TCF7L2: variants seen among roughly 807,000 people sequenced by gnomAD.
The protein encoded by TCF7L2 is transcription factor 7-like 2.
Under a neutral mutation model 77.9 loss-of-function variants are expected in TCF7L2, and 23 were observed. That is an observed-to-expected ratio of 0.30 (90% CI 0.21 to 0.42). The LOEUF is 0.42. Ranked by LOEUF, TCF7L2 falls within the 10% of genes least tolerant of loss-of-function variation. The pLI, the probability that TCF7L2 is intolerant of heterozygous loss-of-function variation, is 1.00. For synonymous variants in TCF7L2, 413 were observed against 340.2 expected (o/e 1.21, Z -2.36); for missense variants, 654 against 793.1 (o/e 0.82, Z 2.11).
intron 5 of TCF7L2, among the ~76,000 whole-genome samples, chr10:113,109,798 C>T (rs1049823027): frequency 1.3e-5 from 2 of 152,240 alleles, no homozygotes; most frequent in African/African-American, 4.8e-5. Flanking sequence ...CTTTTATAAT[C>T]AACAGGCTTA....
intron 5 of TCF7L2, among the ~76,000 whole-genome samples, chr10:113,083,762 C>G (rs930397710): frequency 6.6e-6 from 1 of 152,132 alleles, no homozygotes; most frequent in African/African-American, 2.4e-5. Context: ...ATTGTCAGTT[C>G]AGTACTTTGC....
chr10:112,992,181 C>T lies in TCF7L2; in HGVS notation c.450+27557C>T, dbSNP rs115582312. On this transcript the variant is annotated intron_variant, in intron 4 of 13. Transcript: ENST00000627217. ...CCTGAGGAGGGGTGGGGGGCAGAGG[C>T]GTGAGTGGTCTAGGGCCTCAGTCCC... Among the ~76,000 whole-genome samples the T allele has an allele frequency of 4.7e-3, 717 of 152,238 alleles. 8 individuals are homozygous for T. The highest frequency in any genetic ancestry group is 0.016 in the African/African-American group (682 of 41,562).
At chr10:113,089,338 C>T in intron 5 of TCF7L2, 7 of 1,559,794 alleles carry the variant, frequency 4.5e-6, no homozygotes, top group South Asian at 2.5e-5. Context: ...CTGTGTGTGC[C>T]TTGGTGACGT....
At chr10:113,116,324 A>G (rs2063732559) in intron 5 of TCF7L2, among the ~76,000 whole-genome samples, 2 of 152,228 alleles carry the variant, frequency 1.3e-5, no homozygotes, top group Non-Finnish European at 2.9e-5. Flanking sequence ...TCCTAAAAGC[A>G]CAATAGGACT....
intron 5 of TCF7L2, among the ~76,000 whole-genome samples, chr10:113,049,613 A>C (rs534579808): frequency 6.6e-6 from 1 of 152,156 alleles, no homozygotes; most frequent in African/African-American, 2.4e-5. Context: ...CCTATCATCT[A>C]TCTCTGGTCT....
At chr10:113,084,525 T>G (rs147725674) in intron 5 of TCF7L2, among the ~76,000 whole-genome samples, 1 of 152,142 alleles carries the variant, frequency 6.6e-6, no homozygotes, top group Non-Finnish European at 1.5e-5. Flanking sequence ...GTTAAACTTA[T>G]CTAAAAATAT....
intron 5 of TCF7L2, among the ~76,000 whole-genome samples, chr10:113,053,175 C>T (rs1431717801): frequency 3.3e-5 from 5 of 152,006 alleles, no homozygotes; most frequent in Admixed American, 2.0e-4. Flanking sequence ...CGTGTTTGGA[C>T]GTCTGTGTGG....
At chr10:112,962,799 A>G (rs1479887039) in intron 3 of TCF7L2, among the ~76,000 whole-genome samples, 1 of 152,100 alleles carries the variant, frequency 6.6e-6, no homozygotes, top group Non-Finnish European at 1.5e-5. Context: ...GGGTTTCACC[A>G]TGTTGGCCAG....
intron 5 of TCF7L2, among the ~76,000 whole-genome samples, chr10:113,137,554 T>A (rs1467358340): frequency 6.6e-6 from 1 of 152,194 alleles, no homozygotes; most frequent in Non-Finnish European, 1.5e-5. Flanking sequence ...AATCACTGTG[T>A]GCAATGCCAG....
At chr10:112,966,204 ATATAT>A (rs1215918588) in intron 4 of TCF7L2, among the ~76,000 whole-genome samples, 1 of 139,710 alleles carries the variant, frequency 7.2e-6, no homozygotes, top group Non-Finnish European at 1.5e-5. Context: ...ATATATATAT[ATATAT>A]ATTTTCTTTT....
intron 5 of TCF7L2, among the ~76,000 whole-genome samples, chr10:113,099,735 G>A (rs1445618225): frequency 2.6e-5 from 4 of 152,148 alleles, no homozygotes; most frequent in African/African-American, 2.4e-5. Context: ...AACAGCCATC[G>A]CACACATGTA....
intron 4 of TCF7L2, among the ~76,000 whole-genome samples, chr10:113,011,378 T>C (rs2046419018): frequency 6.6e-6 from 1 of 152,182 alleles, no homozygotes; most frequent in Non-Finnish European, 1.5e-5. Context: ...TGTGTGGTAT[T>C]CTGTCCTCAG....
chr10:112,966,184 T>TTATATATATATATATAGATATATATA (rs2036792176), intron 4 of TCF7L2, among the ~76,000 whole-genome samples: 1 of 114,280 alleles, frequency 8.8e-6, no homozygotes. Flanking sequence ...TAAAATATAT[T>TTATATATATATATATAGATATATATA]TATATATATA....
At chr10:113,077,063 C>T (rs1235890394) in intron 5 of TCF7L2, among the ~76,000 whole-genome samples, 1 of 152,182 alleles carries the variant, frequency 6.6e-6, no homozygotes, top group Non-Finnish European at 1.5e-5. Context: ...TCATCCCTTC[C>T]TGATTTGGGG....
chr10:113,031,017 T>C (rs997291120), intron 4 of TCF7L2, among the ~76,000 whole-genome samples: 3 of 152,190 alleles, frequency 2.0e-5, no homozygotes, highest in African/African-American at 7.2e-5. Flanking sequence ...GAGATTTCTC[T>C]TCCTGCCTGG....
At chr10:113,110,927 G>A (rs558702394) in intron 5 of TCF7L2, among the ~76,000 whole-genome samples, 47 of 152,236 alleles carry the variant, frequency 3.1e-4, no homozygotes, top group Admixed American at 7.8e-4. Flanking sequence ...GAAAAAAGGG[G>A]ATCTGACTGT....
intron 3 of TCF7L2, among the ~76,000 whole-genome samples, chr10:112,956,344 CTTTTT>C (rs10711698): frequency 3.6e-5 from 4 of 112,244 alleles, no homozygotes; most frequent in Admixed American, 9.5e-5. Context: ...AGTGATTTAC[CTTTTT>C]TTTTTTTTTT....
intron 5 of TCF7L2, among the ~76,000 whole-genome samples, chr10:113,136,131 C>T (rs749331827): frequency 5.9e-5 from 9 of 152,142 alleles, no homozygotes; most frequent in Non-Finnish European, 1.2e-4. Context: ...TTACCTACCG[C>T]GTGGAACTGA....
At chr10:113,117,931 G>T (rs990444159) in intron 5 of TCF7L2, among the ~76,000 whole-genome samples, 1 of 152,098 alleles carries the variant, frequency 6.6e-6, no homozygotes, top group Non-Finnish European at 1.5e-5. Context: ...GCTGTGATAC[G>T]GCACACAAAG....
Sources: allele counts gnomAD v4.1 joint callset (sites outside exome capture counted in the v4.1 genomes callset), GRCh38; gene constraint gnomAD v4.1.1; transcripts MANE v1.5; gene names NCBI Gene and HGNC (gene_info 2026-07-23, HGNC 2026-07-21).